The following LINGO2 variants were observed in gnomAD, a reference collection of about 807,000 sequenced individuals.
LINGO2 encodes the protein leucine rich repeat and Ig domain containing 2, also known as leucine-rich repeat and immunoglobulin-like domain-containing nogo receptor-interacting protein 2.
In LINGO2, 14 loss-of-function variants were observed where a neutral mutation model predicts 30.6. The observed-to-expected ratio is 0.46, with a 90% CI of 0.30 to 0.72. The LOEUF (loss-of-function observed/expected upper bound fraction) is 0.72. LINGO2 is among the 30% of genes least tolerant of loss of function. The pLI is 0.07. For synonymous variants in LINGO2, 317 were observed against 288.5 expected (o/e 1.10, Z -1.00); for missense variants, 729 against 751.7 (o/e 0.97, Z 0.35).
intron 4 of LINGO2, among the ~76,000 whole-genome samples, chr9:28,211,710 A>T (rs891451532): frequency 6.6e-6 from 1 of 151,076 alleles, no homozygotes; most frequent in African/African-American, 2.4e-5. Context: ...TGTGATTCAC[A>T]CTCTCTCTCT....
intron 4 of LINGO2, among the ~76,000 whole-genome samples, chr9:28,193,335 TATC>T (rs2133784544): frequency 6.6e-6 from 1 of 152,284 alleles, no homozygotes; most frequent in African/African-American, 2.4e-5. Flanking sequence ...AATTCACATA[TATC>T]TTGCTGGTGG....
chr9:28,553,960 T>A (rs947533071), intron 1 of LINGO2, among the ~76,000 whole-genome samples: 4 of 152,016 alleles, frequency 2.6e-5, no homozygotes, highest in African/African-American at 9.7e-5. Context: ...AGAGATTTTG[T>A]CACCACCAGG....
At chr9:28,199,915 T>TA (rs749936338) in intron 4 of LINGO2, among the ~76,000 whole-genome samples, 2 of 143,262 alleles carry the variant, frequency 1.4e-5, no homozygotes, top group Non-Finnish European at 3.0e-5. Flanking sequence ...CTACAGGTCA[T>TA]AAAGATAACC....
intron 1 of LINGO2, among the ~76,000 whole-genome samples, chr9:28,535,726 G>GCA (rs35045943): frequency 0.06 from 9,037 of 149,902 alleles, 646 homozygotes; most frequent in African/African-American, 0.17. Context: ...ACGTGTGGAC[G>GCA]CACACACACA....
rs200977831 is a variant in LINGO2 at position 28,592,921 on chromosome 9, T to TAAC, written c.-365+77276_-365+77278dup. Among the ~76,000 whole-genome samples the TAAC allele has an allele frequency of 7.4e-4, 112 of 152,196 alleles. 3 individuals are homozygous for TAAC. In the East Asian group the frequency reaches 0.017, roughly 24 times the overall value. ...CCATCTATTGGCTCTCTGCCACGTG[T>TAAC]AACATGCCATTTGAGCCAATGGAAC... On this transcript the variant is annotated intron_variant, in intron 1 of 5. Coordinates refer to ENST00000379992, the Ensembl canonical transcript of LINGO2.
At chr9:28,948,756 GT>G in the LINGO2 span, among the ~76,000 whole-genome samples, 1 of 152,022 alleles carries the variant, frequency 6.6e-6, no homozygotes, top group South Asian at 2.1e-4. Context: ...ACCTGATTGT[GT>G]AAAACATCTC....
chr9:28,974,685 T>C, the LINGO2 span, among the ~76,000 whole-genome samples: 1 of 152,212 alleles, frequency 6.6e-6, no homozygotes, highest in Non-Finnish European at 1.5e-5. Flanking sequence ...TGGACACAGA[T>C]GTCAGAATTT....
intron 3 of LINGO2, among the ~76,000 whole-genome samples, chr9:28,338,630 T>C (rs1022077061): frequency 6.6e-6 from 1 of 152,114 alleles, no homozygotes; most frequent in African/African-American, 2.4e-5. Context: ...AAGTTAGTCA[T>C]GGGGGCATTA....
At chr9:29,205,072 T>C in the LINGO2 span, among the ~76,000 whole-genome samples, 2 of 152,122 alleles carry the variant, frequency 1.3e-5, no homozygotes, top group African/African-American at 4.8e-5. Context: ...CTTTTTCTTT[T>C]TTTCTGTCGC....
intron 5 of LINGO2, among the ~76,000 whole-genome samples, chr9:27,984,536 G>T (rs2383754): frequency 0.27 from 40,806 of 151,712 alleles, 6,306 homozygotes; most frequent in South Asian, 0.34. Context: ...TGAGCTCTGG[G>T]CTCTGGATTG....
At chr9:28,522,912 A>C (rs1437171708) in intron 1 of LINGO2, among the ~76,000 whole-genome samples, 5 of 152,068 alleles carry the variant, frequency 3.3e-5, no homozygotes, top group Non-Finnish European at 7.4e-5. Context: ...AATAAGTTCT[A>C]AGAAGCCAGT....
the LINGO2 span, among the ~76,000 whole-genome samples, chr9:28,771,719 C>A: frequency 6.6e-6 from 1 of 152,024 alleles, no homozygotes; most frequent in East Asian, 1.9e-4. Flanking sequence ...AAGTGATGAG[C>A]AGCATATAGC....
intron 1 of LINGO2, among the ~76,000 whole-genome samples, chr9:28,576,881 A>C (rs1164874446): frequency 6.6e-6 from 1 of 152,196 alleles, no homozygotes; most frequent in Non-Finnish European, 1.5e-5. Context: ...TAAGATAAGA[A>C]GTGGAGTCCC....
intron 1 of LINGO2, among the ~76,000 whole-genome samples, chr9:28,540,250 C>A (rs574883106): frequency 1.3e-5 from 2 of 150,854 alleles, no homozygotes; most frequent in African/African-American, 4.9e-5. Flanking sequence ...GGCTCTCTCT[C>A]TCTTTCTGTC....
chr9:28,224,125 T>C (rs781689744), intron 4 of LINGO2, among the ~76,000 whole-genome samples: 7 of 152,200 alleles, frequency 4.6e-5, no homozygotes, highest in South Asian at 4.1e-4. Flanking sequence ...AGTGCAGTGG[T>C]GCCATCTCGG....
At chr9:27,984,158 C>T (rs773816754) in intron 5 of LINGO2, among the ~76,000 whole-genome samples, 8 of 151,788 alleles carry the variant, frequency 5.3e-5, no homozygotes, top group Admixed American at 2.0e-4. Flanking sequence ...TTGAGGAATG[C>T]TAGCTTGAGT....
At chr9:28,786,799 G>C in the LINGO2 span, among the ~76,000 whole-genome samples, 1 of 151,982 alleles carries the variant, frequency 6.6e-6, no homozygotes, top group Non-Finnish European at 1.5e-5. Context: ...GGGAAGTATG[G>C]GCATACTTCT....
chr9:28,217,333 C>T (rs1278801875), intron 4 of LINGO2, among the ~76,000 whole-genome samples: 5 of 151,378 alleles, frequency 3.3e-5, no homozygotes, highest in South Asian at 2.1e-4. Context: ...AGTTCCTGTG[C>T]CTATTGGGGT....
chr9:28,360,530 T>C (rs919634679), intron 3 of LINGO2, among the ~76,000 whole-genome samples: 3 of 152,198 alleles, frequency 2.0e-5, no homozygotes, highest in African/African-American at 7.2e-5. Flanking sequence ...CTAAAACTCC[T>C]TTCTGCATGA....
Sources: gnomAD v4.1 joint callset for allele counts (sites outside exome capture counted in the v4.1 genomes callset) on GRCh38, gnomAD v4.1.1 for gene constraint, MANE v1.5 for transcripts, NCBI Gene and HGNC (gene_info 2026-07-23, HGNC 2026-07-21) for gene names.